The following SDHA variants were observed in gnomAD, a reference collection of about 807,000 sequenced individuals.
The protein encoded by SDHA is succinate dehydrogenase complex flavoprotein subunit A, also known as succinate dehydrogenase [ubiquinone] flavoprotein subunit, mitochondrial.
SDHA carries 48 observed loss-of-function variants against 78.4 expected under a neutral mutation model. The observed-to-expected ratio is 0.61, with a 90% CI of 0.49 to 0.78. The LOEUF (loss-of-function observed/expected upper bound fraction) is 0.78. Among genes scored for constraint, SDHA ranks in the 30% least tolerant of loss-of-function variants. The pLI is 0.00. For missense variants in SDHA, 680 were observed against 892.7 expected (o/e 0.76, Z 3.04); for synonymous variants, 326 against 353.9 (o/e 0.92, Z 0.88).
At chr5:245,595 A>G (rs1736394639) in intron 11 of SDHA, among the ~76,000 whole-genome samples, 1 of 152,214 alleles carries the variant, frequency 6.6e-6, no homozygotes, top group Non-Finnish European at 1.5e-5. Flanking sequence ...TATTACTCCA[A>G]TGTTATGATC....
Position 235,336 on chromosome 5 carries a change from G to A in SDHA, c.1257G>A (p.Gly419=), listed in dbSNP as rs753410011. The A allele has an allele frequency of 7.4e-6, 12 of 1,614,074 alleles. No individual in the cohort carries two copies. In the East Asian group the frequency reaches 2.2e-4, roughly 30 times the overall value. The change falls in exon 9 of 15, where the codon GGG becomes GGA. Residue 419 remains glycine (G), a synonymous_variant. Transcript: ENST00000264932. ...GCGGCATTCCCACCAACTACAAGGG[G>A]CAGGTGATGGTGCTGGCTCCTCCCC... ...NMGGIPTNYK[G]QVLRHVNGQD...
rs550213660 is a variant in SDHA, at chr5:256,728, C to G, written c.*308C>G. ...CATTTGAAATATTTTACTGTTGTGA[C>G]TTTAGTCATATTTGTTGACCTAAAA... On this transcript the variant is annotated 3_prime_UTR_variant, in exon 15 of 15. Transcript: ENST00000264932. 2.7e-6 allele frequency: 1 copy of G among 375,966 alleles called. No individual in the cohort carries two copies. The highest frequency in any genetic ancestry group is 4.2e-5 in the East Asian group (1 of 23,540). 23.3% of individuals were successfully genotyped at this position (375,966 alleles called of 1,614,324 possible). A position where few individuals can be genotyped will look rare whatever the true frequency, so the allele number is the denominator to read the frequency against.
At chr5:223,373 C>T in intron 1 of SDHA, 109 bp from the exon 2 acceptor site, 7 of 843,746 alleles carry the variant, frequency 8.3e-6, no homozygotes, top group Non-Finnish European at 1.4e-5. Flanking sequence ...CACAGGAGCA[C>T]CTGGGTACAT....
intron 1 of SDHA, among the ~76,000 whole-genome samples, chr5:219,633 C>CA (rs1172706438): frequency 6.6e-6 from 1 of 152,184 alleles, no homozygotes; most frequent in Non-Finnish European, 1.5e-5. Context: ...ACTGACTGAG[C>CA]AGAGACCCCT....
chr5:268,466 A>G, the SDHA span, among the ~76,000 whole-genome samples: 2 of 152,050 alleles, frequency 1.3e-5, no homozygotes, highest in Non-Finnish European at 2.9e-5. Flanking sequence ...GCGCCTGGCC[A>G]GGGTGTTTTT....
chr5:244,285 C>G (rs1454739607), intron 11 of SDHA, among the ~76,000 whole-genome samples: 1 of 151,550 alleles, frequency 6.6e-6, no homozygotes, highest in Non-Finnish European at 1.5e-5. Flanking sequence ...TGGACCCTTG[C>G]AAGCAGGGAC....
At chr5:240,257 C>T in intron 10 of SDHA, 101 bp from the exon 11 acceptor site, 1 of 740,342 alleles carries the variant, frequency 1.4e-6, no homozygotes, top group African/African-American at 1.7e-5. Context: ...AGTTTCCAAG[C>T]TCCTTGAGTG....
At chr5:223,857 G>C (rs1202430351) in intron 2 of SDHA, among the ~76,000 whole-genome samples, 2 of 152,164 alleles carry the variant, frequency 1.3e-5, no homozygotes, top group Non-Finnish European at 2.9e-5. Context: ...TGCTGTGATA[G>C]ATGATAAAAT....
chr5:237,021 CA>C (rs1246091727), intron 10 of SDHA, among the ~76,000 whole-genome samples: 6 of 141,410 alleles, frequency 4.2e-5, no homozygotes, highest in Non-Finnish European at 8.9e-5. Context: ...GTTTTTCCCC[CA>C]GAAGTGATTA....
In SDHA at chr5:232,749, C is replaced by T. The variant is rs566696425; in HGVS notation, c.896-728C>T. 1.7e-3 allele frequency among the ~76,000 whole-genome samples: 254 copies of T among 152,290 alleles called. 1 individual carries two copies. The highest frequency in any genetic ancestry group is 5.8e-3 in the African/African-American group (242 of 41,542). ...GTATACTAATAAAAATTGTAGCTTT[C>T]GAAATACATTTAGTTTAGGGTTTTT... On this transcript the variant is annotated intron_variant, in intron 7 of 14. Transcript: ENST00000264932.
chr5:237,584 A>G (rs1221204091), intron 10 of SDHA, among the ~76,000 whole-genome samples: 1 of 134,402 alleles, frequency 7.4e-6, no homozygotes, highest in Non-Finnish European at 1.5e-5. Context: ...TGTGAGGTGG[A>G]TGAGGCACTG....
rs375396913 is a variant in SDHA, at chr5:256,376, G to A, written c.1951G>A (p.Glu651Lys). Residue 651 changes from glutamate (E) to lysine (K), a missense_variant, in exon 15 of 15, where the codon GAG becomes AAG. Coordinates refer to ENST00000264932, the MANE Select transcript of SDHA (RefSeq NM_004168.4). ...ACCCGTGATCGACAAAACTTTGAACGAGGCTGACTGTGCCACCGTCCCGCC... is the reference window on the plus strand; with the variant it reads ...ACCCGTGATCGACAAAACTTTGAACAAGGCTGACTGTGCCACCGTCCCGCC... ...YRPVIDKTLN[E>K]ADCATVPPAI... 23 of 1,613,792 alleles carry A rather than the reference G, an allele frequency of 1.4e-5. No individual in the cohort carries two copies. The African/African-American group carries it at 1.5e-4, about 10-fold the overall frequency.
the SDHA span, among the ~76,000 whole-genome samples, chr5:266,319 C>T: frequency 2.6e-5 from 4 of 152,166 alleles, no homozygotes; most frequent in Admixed American, 2.0e-4. Flanking sequence ...AGCACAGGCA[C>T]CCCTGAAGCA....
chr5:232,034 G>A, intron 7 of SDHA, among the ~76,000 whole-genome samples: 1 of 140,532 alleles, frequency 7.1e-6, no homozygotes, highest in South Asian at 2.2e-4. Flanking sequence ...ACACACACCT[G>A]CCTCTTGTTT....
Position 236,472 on chromosome 5 carries a change from G to T in SDHA, c.1305G>T (p.Leu435=), listed in dbSNP as rs35964044. 26,226 of 1,613,896 alleles carry T rather than the reference G, an allele frequency of 0.016. 292 individuals are homozygous for T. Among genetic ancestry groups the T allele is most frequent in the Middle Eastern group, 0.036 (218 of 6,054 alleles). The change falls in exon 10 of 15, where the codon CTG becomes CTT. Residue 435 remains leucine (L), a synonymous_variant. Transcript: ENST00000264932. ...VNGQDQIVPG[L]YACGEAACAS... ...GCCAGGATCAGATTGTGCCCGGCCT[G>T]TACGCCTGTGGGGAGGCCGCCTGTG...
chr5:242,699 G>A (rs917700285), intron 11 of SDHA, among the ~76,000 whole-genome samples: 1 of 152,122 alleles, frequency 6.6e-6, no homozygotes, highest in Non-Finnish European at 1.5e-5. Flanking sequence ...AAGGGTCACC[G>A]GAGCGATGGA....
chr5:243,035 G>T (rs961049757), intron 11 of SDHA, among the ~76,000 whole-genome samples: 4 of 152,092 alleles, frequency 2.6e-5, no homozygotes, highest in African/African-American at 9.7e-5. Context: ...GAGGACAGTG[G>T]GCGAAAAGTA....
chr5:236,669 T>C, intron 10 of SDHA, 70 bp downstream of exon 10: 1 of 1,522,880 alleles, frequency 6.6e-7, no homozygotes. Flanking sequence ...TTTTCTTTTT[T>C]TTGAGAAAGG....
intron 14 of SDHA, among the ~76,000 whole-genome samples, chr5:255,251 A>G (rs1202264370): frequency 6.6e-6 from 1 of 151,958 alleles, no homozygotes; most frequent in Non-Finnish European, 1.5e-5. Flanking sequence ...TAAACTTTTC[A>G]TAGCTTGTAA....
Sources: allele counts gnomAD v4.1 joint callset (sites outside exome capture counted in the v4.1 genomes callset), GRCh38; gene constraint gnomAD v4.1.1; transcripts MANE v1.5; gene names NCBI Gene and HGNC (gene_info 2026-07-23, HGNC 2026-07-21).